Variants in MUC4 observed in about 807,000 individuals in gnomAD.
MUC4 encodes mucin 4, cell surface associated, also known as mucin-4.
MUC4 carries 202 observed loss-of-function variants against 257.9 expected under a neutral mutation model. The ratio of observed to expected loss-of-function variants is 0.78; its 90% confidence interval spans 0.70 to 0.88. The LOEUF (loss-of-function observed/expected upper bound fraction) is 0.88. MUC4 is among the 40% of genes least tolerant of loss of function. The probability of loss-of-function intolerance (pLI) is 0.00; values close to 1 mark genes in which losing one functional copy is unlikely to be tolerated. For synonymous variants in MUC4, 2,351 were observed against 2,757.1 expected (o/e 0.85, Z 4.62); for missense variants, 5,976 against 6,513.7 (o/e 0.92, Z 2.84).
chr3:195,764,992 C>A lies in MUC4; in HGVS notation c.13924+5G>T. On this transcript the variant is annotated splice_donor_5th_base_variant and intron_variant, in intron 10 of 24. Transcript: ENST00000463781. ...AGGTGGGGTTGAGATCACGGACTCA[C>A]GCACCCAACTGCCAAGGACGCTGCA... 6.2e-7 allele frequency: 1 copy of A among 1,613,336 alleles called. No homozygotes were observed. Among genetic ancestry groups the A allele is most frequent in the Non-Finnish European group, 8.5e-7 (1 of 1,179,684 alleles).
In MUC4 at chr3:195,754,238, C is replaced by T. The variant is rs777734067; in HGVS notation, c.15303G>A (p.Leu5101=). 1.2e-6 allele frequency: 2 copies of T among 1,613,536 alleles called. No individual in the cohort carries two copies. Among genetic ancestry groups the T allele is most frequent in the Non-Finnish European group, 8.5e-7 (1 of 1,179,852 alleles). The change falls in exon 19 of 25, where the codon CTG becomes CTA. Residue 5101 remains leucine (L), a synonymous_variant. Coordinates refer to ENST00000463781, the MANE Select transcript of MUC4 (RefSeq NM_018406.7). ...GKGCEACPPN[L]TGDGRHCAAL... Reference sequence around the variant, plus strand: ...CCGCACAGTGCCGCCCATCCCCAGTCAGGTTTGGAGGGCAGGCCTCGCAGC... The same window carrying T: ...CCGCACAGTGCCGCCCATCCCCAGTTAGGTTTGGAGGGCAGGCCTCGCAGC...
intron 5 of MUC4, chr3:195,770,950 T>TTGGGGTATTCCTGGTCAGTCTCGC (rs1560272896): frequency 1.6e-4 from 71 of 430,374 alleles, no homozygotes; most frequent in African/African-American, 6.7e-4. Context: ...GGTCTTCTCG[T>TTGGGGTATTCCTGGTCAGTCTCGC]GGCCGGGTTG....
chr3:195,772,056 C>T (rs1722997437), intron 4 of MUC4, among the ~76,000 whole-genome samples: 1 of 152,190 alleles, frequency 6.6e-6, no homozygotes, highest in African/African-American at 2.4e-5. Context: ...TCCTGTTTCA[C>T]TGCAGATCCC....
intron 14 of MUC4, 49 bp from the exon 15 acceptor site, chr3:195,761,634 CTTCCT>C: frequency 7.0e-7 from 1 of 1,435,148 alleles, no homozygotes; most frequent in Non-Finnish European, 9.8e-7. Context: ...CGGCTGTCCC[CTTCCT>C]GGGGAGCATC....
In MUC4 at chr3:195,782,796, A is replaced by G; in HGVS notation, c.8784T>C (p.Pro2928=). ...TSSASTGQAT[P]LPVTSLSSVS... ...CTGAGGAAAGGCTGGTGACAGGAAG[A>G]GGGGTGGCCTGACCTGTGGATGCTG... The change falls in exon 2 of 25, where the codon CCT becomes CCC. Residue 2928 remains proline, a synonymous_variant. Transcript: ENST00000463781. 1.3e-6 allele frequency: 2 copies of G among 1,517,020 alleles called. No homozygotes were observed. Among genetic ancestry groups the G allele is most frequent in the Non-Finnish European group, 1.8e-6 (2 of 1,127,626 alleles). 94.0% of individuals were successfully genotyped at this position (1,517,020 alleles called of 1,614,324 possible).
At chr3:195,778,478 C>A (rs755011146) in intron 2 of MUC4, 23 bp from the exon 3 acceptor site, 3 of 1,607,998 alleles carry the variant, frequency 1.9e-6, no homozygotes, top group Non-Finnish European at 2.5e-6. Flanking sequence ...AAAGACAAGG[C>A]GGGGTGTTTC....
At chr3:195,805,212 G>A (rs1047892601) in intron 1 of MUC4, among the ~76,000 whole-genome samples, 2 of 152,016 alleles carry the variant, frequency 1.3e-5, no homozygotes, top group African/African-American at 2.4e-5. Flanking sequence ...TCTTTCCAAC[G>A]ATCCCCGCCG....
At chr3:195,747,976 C>G (rs1410991647) in intron 24 of MUC4, among the ~76,000 whole-genome samples, 12 of 152,236 alleles carry the variant, frequency 7.9e-5, no homozygotes, top group Non-Finnish European at 1.5e-4. Context: ...CGCCCCAGCC[C>G]GGCCCCGCCC....
chr3:195,767,714 G>A (rs1341693019), intron 7 of MUC4, among the ~76,000 whole-genome samples: 29 of 944 alleles, frequency 0.031, 7 homozygotes, highest in Non-Finnish European at 0.045. Context: ...ACCACCATCG[G>A]CCACCACCAC....
rs1736550765 is a variant in MUC4 at position 195,810,404 on chromosome 3, C to CA, written c.82+1331dup. The CA allele has an allele frequency of 6.6e-6, 1 of 152,656 alleles. No individual in the cohort carries two copies. Among genetic ancestry groups the CA allele is most frequent in the African/African-American group, 2.4e-5 (1 of 41,478 alleles). 9.5% of individuals were successfully genotyped at this position (152,656 alleles called of 1,614,324 possible). ...GACCCCAGACTCTCCCCCAAAGACT[C>CA]AGACACCCAGAAACACAGAATAAAA... On this transcript the variant is annotated intron_variant, in intron 1 of 24. Transcript: ENST00000463781. The surrounding 1 kb of genome is among the most constrained non-coding windows in gnomAD (Gnocchi z 4.2).
chr3:195,781,083 T>C lies in MUC4; in HGVS notation c.10497A>G (p.Thr3499=), dbSNP rs1334685089. The C allele has an allele frequency of 1.3e-6, 2 of 1,489,720 alleles. No homozygotes were observed. The highest frequency in any genetic ancestry group is 5.0e-5 in the East Asian group (2 of 39,792). The allele number at this position is 1,489,720 out of a possible 1,614,324, so 92.3% of individuals were successfully genotyped here. A position where few individuals can be genotyped will look rare whatever the true frequency, so the allele number is the denominator to read the frequency against. Residue 3499 remains threonine, a synonymous_variant, in exon 2 of 25, where the codon ACA becomes ACG. Transcript: ENST00000463781. Reference sequence around the variant, plus strand: ...TGACAGGAAGAGTGCTGGTGTCACCTGTGGATGCTGAGGAAGGGATGGTGA... The same window carrying C: ...TGACAGGAAGAGTGCTGGTGTCACCCGTGGATGCTGAGGAAGGGATGGTGA... ...LHVTIPSSAS[T]GDTSTLPVTG...
intron 24 of MUC4, among the ~76,000 whole-genome samples, chr3:195,747,962 C>CCCCCGCCCCAGCCCGGCCCCG: frequency 1.3e-5 from 2 of 152,334 alleles, no homozygotes; most frequent in Non-Finnish European, 2.9e-5. Flanking sequence ...CGCAGTCACA[C>CCCCCGCCCCAGCCCGGCCCCG]CCCCGCCCCA....
At chr3:195,805,066 C>CT (rs10643598) in intron 1 of MUC4, among the ~76,000 whole-genome samples, 2,856 of 147,110 alleles carry the variant, frequency 0.019, 122 homozygotes, top group African/African-American at 0.063. Context: ...TTATCTTTAT[C>CT]TTTTTTTTTT....
Position 195,785,545 on chromosome 3 carries a change from C to T in MUC4, c.6035G>A (p.Gly2012Glu). The T allele has an allele frequency of 1.3e-6, 2 of 1,498,382 alleles. No individual in the cohort carries two copies. The highest frequency in any genetic ancestry group is 1.8e-6 in the Non-Finnish European group (2 of 1,117,934). The allele number at this position is 1,498,382 out of a possible 1,614,324, so 92.8% of individuals were successfully genotyped here. The change falls in exon 2 of 25, where the codon GGA becomes GAA. Residue 2012 changes from glycine to glutamate, a missense_variant. Gly to Glu is a moderately conservative substitution (Grantham distance 98, BLOSUM62 -2). Coordinates refer to ENST00000463781, the MANE Select transcript of MUC4 (RefSeq NM_018406.7). ...GGTGACAGGAAGAGGGGTGGCCTGTCCTGTAGATACTGAGGAAGTGTCGGT... is the reference window on the plus strand; with the variant it reads ...GGTGACAGGAAGAGGGGTGGCCTGTTCTGTAGATACTGAGGAAGTGTCGGT... ...PVTDTSSVST[G>E]QATPLPVTSL...
intron 6 of MUC4, 34 bp from the exon 7 acceptor site, chr3:195,769,186 C>G (rs116632725): frequency 2.5e-6 from 4 of 1,611,200 alleles, no homozygotes; most frequent in Non-Finnish European, 3.4e-6. Context: ...CAGGGATGCC[C>G]GTGAGAGATC....
chr3:195,767,663 CCAT>C lies in MUC4; in HGVS notation c.13530-915_13530-913del, dbSNP rs1239956351. ...ACCATCGCCACCACCACCACCACCA[CCAT>C]CACCATCACCACCATCACTGGCCAC... On this transcript the variant is annotated intron_variant, in intron 7 of 24. Coordinates refer to ENST00000463781, the MANE Select transcript of MUC4 (RefSeq NM_018406.7). Among the ~76,000 whole-genome samples the C allele has an allele frequency of 8.0e-4, 50 of 62,532 alleles. 2 individuals are homozygous for C. Among genetic ancestry groups the C allele is most frequent in the African/African-American group, 4.8e-3 (35 of 7,352 alleles). 41.0% of individuals were successfully genotyped at this position (62,532 alleles called of 152,430 possible). A position where few individuals can be genotyped will look rare whatever the true frequency, so the allele number is the denominator to read the frequency against.
At position 195,761,499 on chromosome 3, in the gene MUC4, G is replaced by T. The variant is rs767191747; in HGVS notation, c.14599C>A (p.His4867Asn). The T allele has an allele frequency of 4.3e-6, 7 of 1,613,868 alleles. No homozygotes were observed. In the Admixed American group the frequency reaches 1.0e-4, roughly 23 times the overall value. ...PPGSPEEMLF[H>N]FGMTWQINGT... The stretch of plus-strand genomic sequence containing the variant: ...CCAGACTCACAGGTCATTCCAAAGT[G>T]GAAAAGCATCTCCTCAGGGCTCCCT... Residue 4867 changes from histidine (H) to asparagine (N), a missense_variant, in exon 15 of 25, where the codon CAC (histidine) becomes AAC (asparagine). Coordinates refer to ENST00000463781, the MANE Select transcript of MUC4 (RefSeq NM_018406.7).
chr3:195,799,717 C>G (rs149712073), intron 1 of MUC4, among the ~76,000 whole-genome samples: 1 of 152,162 alleles, frequency 6.6e-6, no homozygotes, highest in African/African-American at 2.4e-5. Context: ...TGACTATCTT[C>G]GTGTCTAATG....
rs201710829 is a variant in MUC4 at position 195,790,593 on chromosome 3, G to A, written c.987C>T (p.Ser329=). The A allele has an allele frequency of 1.2e-5, 20 of 1,613,892 alleles. No homozygotes were observed. The Middle Eastern group carries it at 4.9e-4, about 40-fold the overall frequency. Residue 329 remains serine, a synonymous_variant, in exon 2 of 25, where the codon AGC becomes AGT. Transcript: ENST00000463781. ...TAFSKNHQTQ[S]VETTRVSQIN... ...TTTGAGATACTCTGGTGGTCTCCACGCTCTGAGTCTGGTGGTTCTTAGAAA... is the reference window on the plus strand; with the variant it reads ...TTTGAGATACTCTGGTGGTCTCCACACTCTGAGTCTGGTGGTTCTTAGAAA...
Sources: allele counts gnomAD v4.1 joint callset (sites outside exome capture counted in the v4.1 genomes callset), GRCh38; gene constraint gnomAD v4.1.1; non-coding constraint Gnocchi (gnomAD v3.1); transcripts MANE v1.5; gene names NCBI Gene and HGNC (gene_info 2026-07-23, HGNC 2026-07-21).